The following KSR2 variants were observed in gnomAD, a reference collection of about 807,000 sequenced individuals.
KSR2 encodes the protein kinase suppressor of ras 2.
KSR2 carries 25 observed loss-of-function variants against 107.8 expected under a neutral mutation model. The observed-to-expected ratio is 0.23, with a 90% CI of 0.17 to 0.32. The LOEUF is 0.32. Ranked by LOEUF, KSR2 falls within the 10% of genes least tolerant of loss-of-function variation. The probability of loss-of-function intolerance (pLI) is 1.00; values close to 1 mark genes in which losing one functional copy is unlikely to be tolerated. For synonymous variants in KSR2, 480 were observed against 507.0 expected, an observed-to-expected ratio of 0.95 and a Z score of 0.71; for missense variants, 887 against 1,268.9, an observed-to-expected ratio of 0.70 and a Z score of 4.57.
In KSR2 at chr12:117,606,497, A is replaced by ATCCCCTCCTTCCTTCCTCCC. The variant is rs1565922989; in HGVS notation, c.1172-24158_1172-24139dup. 8.8e-3 allele frequency among the ~76,000 whole-genome samples: 65 copies of ATCCCCTCCTTCCTTCCTCCC among 7,426 alleles called. 7 individuals are homozygous for ATCCCCTCCTTCCTTCCTCCC. Among genetic ancestry groups the ATCCCCTCCTTCCTTCCTCCC allele is most frequent in the African/African-American group, 0.02 (32 of 1,622 alleles). The allele number at this position is 7,426 out of a possible 152,430, so 4.9% of individuals were successfully genotyped here. ...CCTCCCTCCTCTCCTTCCTTCCTCC[A>ATCCCCTCCTTCCTTCCTCCC]TCCCCTCCTTCCTTCCTCCCTCCCC... is the stretch of plus-strand genomic sequence containing the variant. On this transcript the variant is annotated intron_variant, in intron 5 of 19. Coordinates refer to ENST00000339824, the MANE Select transcript of KSR2 (RefSeq NM_173598.6).
intron 1 of KSR2, among the ~76,000 whole-genome samples, chr12:117,914,157 A>G (rs7969623): frequency 0.49 from 74,059 of 151,758 alleles, 20,186 homozygotes; most frequent in East Asian, 0.89. Context: ...GGCTGGGTGC[A>G]GTGGCTCACA....
intron 3 of KSR2, among the ~76,000 whole-genome samples, chr12:117,848,834 A>AACAACAGTGATGGTG (rs1555249461): frequency 1.5e-5 from 2 of 133,722 alleles, no homozygotes; most frequent in East Asian, 4.0e-4. Flanking sequence ...TGATGGTGGT[A>AACAACAGTGATGGTG]GTGGTGGTGA....
rs909134084 is a variant in KSR2 at position 117,460,984 on chromosome 12, C to G, written c.*6215G>C. The G allele has an allele frequency of 1.3e-5, 2 of 152,236 alleles. No individual in the cohort carries two copies. Among genetic ancestry groups the G allele is most frequent in the African/African-American group, 4.8e-5 (2 of 41,432 alleles). 9.4% of individuals were successfully genotyped at this position (152,236 alleles called of 1,614,324 possible). A position where few individuals can be genotyped will look rare whatever the true frequency, so the allele number is the denominator to read the frequency against. ...GCTTCATACGTCACAGATATTAAAC[C>G]TGGCAAACTGGCTCAGCACAATGGC... On this transcript the variant is annotated 3_prime_UTR_variant, in exon 20 of 20. Transcript: ENST00000339824.
At chr12:117,469,908 C>T (rs1566120291) in intron 18 of KSR2, 113 bp from the exon 19 acceptor site, 3 of 996,508 alleles carry the variant, frequency 3.0e-6, no homozygotes, top group East Asian at 2.6e-5. Context: ...TTCCATATTC[C>T]TCCATCATCC....
chr12:117,809,992 T>C (rs976294617), intron 3 of KSR2, among the ~76,000 whole-genome samples: 1 of 152,162 alleles, frequency 6.6e-6, no homozygotes, highest in African/African-American at 2.4e-5. Flanking sequence ...TGTGGGCATT[T>C]GTGAGGTTCA....
intron 4 of KSR2, among the ~76,000 whole-genome samples, chr12:117,707,732 G>C (rs73396670): frequency 6.6e-6 from 1 of 152,140 alleles, no homozygotes; most frequent in Admixed American, 6.5e-5. Flanking sequence ...ATGAGGACAC[G>C]GAGAGTCATC....
At chr12:117,740,606 G>A (rs1888173560) in intron 4 of KSR2, among the ~76,000 whole-genome samples, 1 of 76,092 alleles carries the variant, frequency 1.3e-5, no homozygotes, top group Admixed American at 1.8e-4. Context: ...ATATATAGAT[G>A]TAAAATATAC....
At chr12:117,476,618 G>T (rs772407820) in intron 16 of KSR2, 23 bp from the exon 17 acceptor site, 1 of 1,602,422 alleles carries the variant, frequency 6.2e-7, no homozygotes, top group Non-Finnish European at 8.5e-7. Flanking sequence ...AGCACAGGAT[G>T]AGCTCTGTTT....
At chr12:117,609,805 C>T (rs1320433258) in intron 5 of KSR2, among the ~76,000 whole-genome samples, 1 of 152,174 alleles carries the variant, frequency 6.6e-6, no homozygotes, top group African/African-American at 2.4e-5. Flanking sequence ...TCCCTGGTCC[C>T]ATCCCACTGG....
At chr12:117,955,120 A>G (rs998970974) in intron 1 of KSR2, among the ~76,000 whole-genome samples, 1 of 151,664 alleles carries the variant, frequency 6.6e-6, no homozygotes, top group Admixed American at 6.6e-5. Context: ...TAAAATGATC[A>G]TTTTATTTTA....
chr12:117,717,972 G>C (rs1445002478), intron 4 of KSR2, among the ~76,000 whole-genome samples: 1 of 152,090 alleles, frequency 6.6e-6, no homozygotes, highest in Non-Finnish European at 1.5e-5. Context: ...AAGGAGCAGG[G>C]GGCGAGTTTC....
intron 3 of KSR2, among the ~76,000 whole-genome samples, chr12:117,828,706 C>T (rs1891847046): frequency 6.6e-6 from 1 of 152,208 alleles, no homozygotes; most frequent in East Asian, 1.9e-4. Flanking sequence ...GCCCCTCAGC[C>T]CTGGCCCTAG....
At position 117,496,788 on chromosome 12, in the gene KSR2, A is replaced by G. The variant is rs189926441; in HGVS notation, c.2220-11097T>C. Among the ~76,000 whole-genome samples, 214 of 152,292 alleles carry G rather than the reference A, an allele frequency of 1.4e-3. 1 individual carries two copies. Among genetic ancestry groups the G allele is most frequent in the Non-Finnish European group, 9.0e-4 (61 of 68,030 alleles). The stretch of plus-strand genomic sequence containing the variant: ...GGGCTTCTCTTTTTGTAAAAAAAAC[A>G]AAACAACAAAACTAGTTTAGCAAGT... On this transcript the variant is annotated intron_variant, in intron 14 of 19. Coordinates refer to ENST00000339824, the MANE Select transcript of KSR2 (RefSeq NM_173598.6).
chr12:117,646,417 C>G (rs2136421791), intron 5 of KSR2, among the ~76,000 whole-genome samples: 1 of 152,270 alleles, frequency 6.6e-6, no homozygotes, highest in Admixed American at 6.5e-5. Flanking sequence ...CAATTAGTCC[C>G]ATTTTATAGA....
intron 4 of KSR2, among the ~76,000 whole-genome samples, chr12:117,681,663 A>G (rs530661923): frequency 3.9e-4 from 59 of 152,336 alleles, no homozygotes; most frequent in Middle Eastern, 3.4e-3. Context: ...TTCTGCTTTT[A>G]AAAGATCACT....
chr12:117,833,032 G>C (rs951788466), intron 3 of KSR2, among the ~76,000 whole-genome samples: 1 of 152,124 alleles, frequency 6.6e-6, no homozygotes, highest in Non-Finnish European at 1.5e-5. Flanking sequence ...TTCGTGGGGC[G>C]GGGGGTGGTG....
At chr12:117,779,282 G>A (rs1378568400) in intron 3 of KSR2, among the ~76,000 whole-genome samples, 1 of 152,226 alleles carries the variant, frequency 6.6e-6, no homozygotes, top group African/African-American at 2.4e-5. Flanking sequence ...AAGACATCTA[G>A]ATTTAATACC....
Position 117,860,284 on chromosome 12 carries a change from A to C in KSR2, c.321+7T>G, listed in dbSNP as rs761107203. 1 of 1,606,534 alleles carries C rather than the reference A, an allele frequency of 6.2e-7. No individual in the cohort carries two copies. Among genetic ancestry groups the C allele is most frequent in the Non-Finnish European group, 8.5e-7 (1 of 1,174,102 alleles). On this transcript the variant is annotated splice_region_variant and intron_variant, in intron 2 of 19. Coordinates refer to ENST00000339824, the MANE Select transcript of KSR2 (RefSeq NM_173598.6). ...GGGGCAGGGGACACAGGGGCCCCCCAGGTCACCTCCAGGACCTCCTTGCGC... is the reference window on the plus strand; with the variant it reads ...GGGGCAGGGGACACAGGGGCCCCCCCGGTCACCTCCAGGACCTCCTTGCGC...
intron 4 of KSR2, among the ~76,000 whole-genome samples, chr12:117,671,558 C>G (rs556750824): frequency 6.6e-6 from 1 of 152,352 alleles, no homozygotes; most frequent in African/African-American, 2.4e-5. Flanking sequence ...GATTAAGACT[C>G]TGGCACACAT....
Sources: gnomAD v4.1 joint callset for allele counts (sites outside exome capture counted in the v4.1 genomes callset) on GRCh38, gnomAD v4.1.1 for gene constraint, MANE v1.5 for transcripts, NCBI Gene and HGNC (gene_info 2026-07-23, HGNC 2026-07-21) for gene names.